ADGRB3: variants seen among roughly 807,000 people sequenced by gnomAD.
ADGRB3 encodes brain-specific angiogenesis inhibitor 3.
Under a neutral mutation model 193.4 loss-of-function variants are expected in ADGRB3, and 37 were observed. The ratio of observed to expected loss-of-function variants is 0.19; its 90% CI spans 0.15 to 0.25. ADGRB3 has a LOEUF of 0.25. ADGRB3 is among the 10% of genes least tolerant of loss of function. ADGRB3 has a pLI of 1.00. For missense variants in ADGRB3, 1,637 were observed against 1,852.9 expected (o/e 0.88, Z 2.14); for synonymous variants, 690 against 644.2 (o/e 1.07, Z -1.08).
At chr6:69,043,290 G>GAGAAAAAGAAAGAAAGAA (rs1771129897) in intron 13 of ADGRB3, among the ~76,000 whole-genome samples, 1 of 88,032 alleles carries the variant, frequency 1.1e-5, no homozygotes, top group East Asian at 2.8e-4. Context: ...GGAAGAAAGA[G>GAGAAAAAGAAAGAAAGAA]AGAAAGAAAG....
intron 13 of ADGRB3, 81 bp from the exon 14 acceptor site, chr6:69,048,097 AATATACT>A: frequency 1.5e-6 from 2 of 1,331,886 alleles, no homozygotes; most frequent in Non-Finnish European, 2.1e-6. Context: ...TTTTATTTTG[AATATACT>A]GCAAGATTTA....
At chr6:69,047,139 G>A (rs868434293) in intron 13 of ADGRB3, among the ~76,000 whole-genome samples, 6 of 152,136 alleles carry the variant, frequency 3.9e-5, no homozygotes, top group African/African-American at 1.4e-4. Context: ...GATTACAGGC[G>A]TGAGCCACCG....
Position 68,635,544 on chromosome 6 carries a change from A to G in ADGRB3, c.-644A>G, listed in dbSNP as rs41273635. The G allele has an allele frequency of 2.1e-3, 321 of 153,304 alleles. No individual in the cohort carries two copies. Among genetic ancestry groups the G allele is most frequent in the Middle Eastern group, 6.6e-3 (2 of 304 alleles). The allele number at this position is 153,304 out of a possible 1,614,324, so 9.5% of individuals were successfully genotyped here. A position where few individuals can be genotyped will look rare whatever the true frequency, so the allele number is the denominator to read the frequency against. On this transcript the variant is annotated 5_prime_UTR_variant, in exon 1 of 32. Transcript: ENST00000370598. ...TGTAATAAACCCACCGCCCCAACAA[A>G]TCTGCCATAGCAGCCGCCGCCGCCG...
At position 69,343,125 on chromosome 6, in the gene ADGRB3, G is replaced by C. The variant is rs145320178; in HGVS notation, c.3459+3621G>C. ...TGATATTTTTAATGTGTTGTGTATGGAGCCTAATTTATTTTATTTTTTTTA... is the reference window on the plus strand; with the variant it reads ...TGATATTTTTAATGTGTTGTGTATGCAGCCTAATTTATTTTATTTTTTTTA... On this transcript the variant is annotated intron_variant, in intron 26 of 31. Transcript: ENST00000370598. Among the ~76,000 whole-genome samples the C allele has an allele frequency of 2.7e-5, 4 of 147,336 alleles. No individual in the cohort carries two copies. In the East Asian group the frequency reaches 7.8e-4, roughly 29 times the overall value.
intron 3 of ADGRB3, among the ~76,000 whole-genome samples, chr6:68,753,614 T>C (rs1471904733): frequency 6.6e-5 from 10 of 152,062 alleles, no homozygotes; most frequent in Admixed American, 6.5e-4. Flanking sequence ...TGTTCTTTAA[T>C]AGAGAGGGGC....
At position 69,388,755 on chromosome 6, in the gene ADGRB3, A is replaced by G. The variant is rs1286210476; in HGVS notation, c.4433A>G (p.Glu1478Gly). ...TGGGACACTTTCAAAAACCCCAGTG[A>G]ATACCCGCATTACACCACAATCAAT... The part of the protein sequence containing the change: ...NPWDTFKNPS[E>G]YPHYTTINVL... The change falls in exon 32 of 32, where the codon GAA becomes GGA. Residue 1478 changes from glutamate (E) to glycine (G), a missense_variant. By Grantham distance (98) the Glu-to-Gly change is moderately conservative (BLOSUM62 -2). This residue lies in a region of ADGRB3 where 368 missense variants were observed against 367.4 expected (regional missense o/e 1.00). Coordinates refer to ENST00000370598, the MANE Select transcript of ADGRB3 (RefSeq NM_001704.3). 1 of 1,613,428 alleles carries G rather than the reference A, an allele frequency of 6.2e-7. No homozygotes were observed. Among genetic ancestry groups the G allele is most frequent in the Non-Finnish European group, 8.5e-7 (1 of 1,179,676 alleles).
At chr6:68,691,094 A>G (rs974046846) in intron 3 of ADGRB3, among the ~76,000 whole-genome samples, 2 of 152,108 alleles carry the variant, frequency 1.3e-5, no homozygotes, top group East Asian at 1.9e-4. Context: ...TTACTTCAGG[A>G]CAAAAGTTAA....
At chr6:68,892,478 A>G (rs1199856090) in intron 3 of ADGRB3, among the ~76,000 whole-genome samples, 2 of 152,168 alleles carry the variant, frequency 1.3e-5, no homozygotes, top group Non-Finnish European at 2.9e-5. Flanking sequence ...TAAATTAGCC[A>G]GCTCATTGCT....
intron 3 of ADGRB3, among the ~76,000 whole-genome samples, chr6:68,855,017 A>C (rs929903738): frequency 3.9e-5 from 6 of 152,158 alleles, no homozygotes; most frequent in African/African-American, 1.4e-4. Flanking sequence ...TTGCCTAAGG[A>C]GTCAGACCTA....
At chr6:69,128,484 T>C (rs2150333064) in intron 17 of ADGRB3, among the ~76,000 whole-genome samples, 1 of 152,262 alleles carries the variant, frequency 6.6e-6, no homozygotes, top group Middle Eastern at 3.4e-3. Flanking sequence ...CTGTAATACA[T>C]AGTAACTGTA....
At chr6:69,117,329 C>G (rs1330421606) in intron 17 of ADGRB3, among the ~76,000 whole-genome samples, 2 of 152,162 alleles carry the variant, frequency 1.3e-5, no homozygotes, top group African/African-American at 4.8e-5. Context: ...TATTGACATT[C>G]TCAACAGTAG....
intron 3 of ADGRB3, among the ~76,000 whole-genome samples, chr6:68,698,474 G>A (rs950898964): frequency 2.0e-5 from 3 of 151,894 alleles, no homozygotes; most frequent in African/African-American, 7.3e-5. Context: ...GAAGGTTCGT[G>A]TATTAATTGC....
At chr6:69,031,039 CTCTT>C (rs1249400427) in intron 13 of ADGRB3, among the ~76,000 whole-genome samples, 12,310 of 21,354 alleles carry the variant, frequency 0.58, 3,441 homozygotes, top group Middle Eastern at 0.62. Flanking sequence ...CTTCTCTTCT[CTCTT>C]CTCTTCTCTT....
At chr6:68,886,831 A>C (rs1277363492) in intron 3 of ADGRB3, among the ~76,000 whole-genome samples, 1 of 151,978 alleles carries the variant, frequency 6.6e-6, no homozygotes. Context: ...ATCGCTTTAT[A>C]TGTACTGTTC....
chr6:69,042,691 A>T (rs931154601), intron 13 of ADGRB3, among the ~76,000 whole-genome samples: 3 of 152,192 alleles, frequency 2.0e-5, no homozygotes, highest in African/African-American at 7.2e-5. Context: ...TCAAAACAGT[A>T]CAGGTGACCA....
intron 8 of ADGRB3, 33 bp downstream of exon 8, chr6:68,956,842 C>T (rs1302204144): frequency 6.4e-7 from 1 of 1,572,468 alleles, no homozygotes. Flanking sequence ...CCAAAAGAAA[C>T]ATTTCATAAC....
rs146310436 is a variant in ADGRB3, at chr6:68,727,906, A to G, written c.757+88474A>G. Among the ~76,000 whole-genome samples, 88 of 151,718 alleles carry G rather than the reference A, an allele frequency of 5.8e-4. 1 individual carries two copies. The highest frequency in any genetic ancestry group is 5.3e-3 in the Admixed American group (80 of 15,176). Reference sequence around the variant, plus strand: ...ACATAAAACAATTCTTTGGAGTCCAATTGAACTCCTTCACCAGAGATGACT... The same window carrying G: ...ACATAAAACAATTCTTTGGAGTCCAGTTGAACTCCTTCACCAGAGATGACT... On this transcript the variant is annotated intron_variant, in intron 3 of 31. Coordinates refer to ENST00000370598, the MANE Select transcript of ADGRB3 (RefSeq NM_001704.3).
chr6:69,241,903 T>A (rs2127261910), intron 20 of ADGRB3, among the ~76,000 whole-genome samples: 1 of 152,088 alleles, frequency 6.6e-6, no homozygotes, highest in South Asian at 2.1e-4. Context: ...TTTGTTCTTA[T>A]GCTATATTAA....
At chr6:69,147,275 A>C (rs1338249708) in intron 17 of ADGRB3, among the ~76,000 whole-genome samples, 2 of 152,034 alleles carry the variant, frequency 1.3e-5, no homozygotes, top group Non-Finnish European at 2.9e-5. Flanking sequence ...TGAGGTATGC[A>C]CTTGTAGCTA....
Sources: gnomAD v4.1 joint callset for allele counts (sites outside exome capture counted in the v4.1 genomes callset) on GRCh38, gnomAD v4.1.1 for gene constraint, gnomAD v4.1.1 regional missense constraint, MANE v1.5 for transcripts, NCBI Gene and HGNC (gene_info 2026-07-23, HGNC 2026-07-21) for gene names.